LRIF1: variants seen among roughly 807,000 people sequenced by gnomAD.
LRIF1 encodes the protein ligand-dependent nuclear receptor-interacting factor 1.
In LRIF1, 32 loss-of-function variants were observed where a neutral mutation model predicts 52.7. The observed-to-expected ratio is 0.61, with a 90% CI of 0.46 to 0.82. The LOEUF is 0.82. Among genes scored for constraint, LRIF1 ranks in the 40% least tolerant of loss-of-function variants. LRIF1 has a pLI of 0.00. For synonymous variants in LRIF1, 323 were observed against 317.4 expected (o/e 1.02, Z -0.19); for missense variants, 887 against 892.0 (o/e 0.99, Z 0.07).
chr1:110,917,908 G>A, the LRIF1 span, among the ~76,000 whole-genome samples: 1 of 150,910 alleles, frequency 6.6e-6, no homozygotes, highest in South Asian at 2.1e-4. Context: ...ACATATAAAT[G>A]GTGTTTTATG....
the LRIF1 span, among the ~76,000 whole-genome samples, chr1:110,887,282 T>C: frequency 6.6e-6 from 1 of 152,118 alleles, no homozygotes; most frequent in Admixed American, 6.5e-5. Context: ...GCCAGGATCG[T>C]CTCGATCTCC....
the LRIF1 span, among the ~76,000 whole-genome samples, chr1:110,914,877 C>T: frequency 6.6e-6 from 1 of 152,156 alleles, no homozygotes; most frequent in African/African-American, 2.4e-5. Context: ...TTTCATGGTA[C>T]AACAATGTTT....
chr1:110,912,271 G>A, the LRIF1 span, among the ~76,000 whole-genome samples: 1 of 151,916 alleles, frequency 6.6e-6, no homozygotes, highest in African/African-American at 2.4e-5. Context: ...GAGTGCAGTG[G>A]CATGATCTTG....
rs1658535255 is a variant in LRIF1, at chr1:110,952,691, A to C, written c.193T>G (p.Ser65Ala). The change falls in exon 2 of 4, where the codon TCT becomes GCT. Residue 65 changes from serine (S) to alanine (A), a missense_variant. Physicochemically the swap from Ser to Ala is moderately conservative, Grantham distance 99. Transcript: ENST00000369763. ...CCTGTATTCCCTTTCAAAGCATCAG[A>C]CATGACTGAAGATTGAACTAGTGGT... ...LIPLVQSSVM[S>A]DALKGNTGKP... The C allele has an allele frequency of 1.2e-6, 2 of 1,614,028 alleles. No individual in the cohort carries two copies. The highest frequency in any genetic ancestry group is 2.7e-5 in the African/African-American group (2 of 74,934).
rs1443581165 is a variant in LRIF1, at chr1:110,950,018, C to G, written c.1702G>C (p.Ala568Pro). The change falls in exon 3 of 4, where the codon GCT becomes CCT. Residue 568 changes from alanine to proline, a missense_variant. Transcript: ENST00000369763. The part of the protein sequence containing the change: ...SNKALHLKSD[A>P]EFKKIFGLTK... Reference sequence around the variant, plus strand: ...AGGCCAAATATCTTTTTAAATTCAGCATCACTCTTCAGATGTAATGCCTTA... The same window carrying G: ...AGGCCAAATATCTTTTTAAATTCAGGATCACTCTTCAGATGTAATGCCTTA... 1.9e-6 allele frequency: 3 copies of G among 1,614,130 alleles called. No individual in the cohort carries two copies. In the Admixed American group the frequency reaches 5.0e-5, roughly 27 times the overall value.
At chr1:110,897,820 G>T in the LRIF1 span, 1 of 1,607,126 alleles carries the variant, frequency 6.2e-7, no homozygotes, top group Non-Finnish European at 8.5e-7. Context: ...GTTGCTATGC[G>T]AAAGCAAGAC....
the LRIF1 span, among the ~76,000 whole-genome samples, chr1:110,887,073 T>C: frequency 3.3e-5 from 5 of 151,436 alleles, no homozygotes; most frequent in Admixed American, 1.3e-4. Context: ...TTTTATTTTA[T>C]TTTATTTTGA....
chr1:110,945,898 T>C (rs1358970607), downstream of LRIF1, among the ~76,000 whole-genome samples: 1 of 152,208 alleles, frequency 6.6e-6, no homozygotes, highest in African/African-American at 2.4e-5. Context: ...TATGTTTATG[T>C]GGTGTGGGGA....
At chr1:110,929,930 C>T in the LRIF1 span, among the ~76,000 whole-genome samples, 32 of 152,136 alleles carry the variant, frequency 2.1e-4, no homozygotes, top group Admixed American at 5.9e-4. Context: ...ACCTGGGTGA[C>T]GAAATAATCT....
intron 1 of LRIF1, 75 bp downstream of exon 1, chr1:110,963,546 G>T (rs973101429): frequency 1.5e-6 from 2 of 1,320,744 alleles, no homozygotes; most frequent in Non-Finnish European, 2.1e-6. Context: ...ACAGCGTCCG[G>T]AAACGACGGC....
the LRIF1 span, chr1:110,894,353 C>T: frequency 1.2e-6 from 2 of 1,614,038 alleles, no homozygotes; most frequent in Admixed American, 1.7e-5. Context: ...TGATTATCCT[C>T]CTTGCTGAGG....
downstream of LRIF1, among the ~76,000 whole-genome samples, chr1:110,945,786 AG>A (rs1658190615): frequency 6.6e-6 from 1 of 152,216 alleles, no homozygotes; most frequent in Non-Finnish European, 1.5e-5. Flanking sequence ...CATTTTTCAA[AG>A]GAAGTGATGA....
chr1:110,936,928 G>A, the LRIF1 span: 1 of 152,062 alleles, frequency 6.6e-6, no homozygotes, highest in Non-Finnish European at 1.5e-5. Context: ...AAAAGAGCAT[G>A]AGTAGCTATA....
the LRIF1 span, among the ~76,000 whole-genome samples, chr1:110,924,792 T>C: frequency 1.3e-5 from 2 of 152,178 alleles, no homozygotes; most frequent in South Asian, 4.1e-4. Context: ...CTCATGAACA[T>C]AGATGCAAAA....
chr1:110,951,098 T>G (rs901864850), intron 2 of LRIF1, among the ~76,000 whole-genome samples, 190 bp downstream of exon 2: 1 of 152,192 alleles, frequency 6.6e-6, no homozygotes, highest in African/African-American at 2.4e-5. Context: ...TGTACAAGAT[T>G]GTACCCAACT....
chr1:110,882,699 G>T, the LRIF1 span, among the ~76,000 whole-genome samples: 1 of 151,854 alleles, frequency 6.6e-6, no homozygotes, highest in East Asian at 1.9e-4. Context: ...AGATGGACGT[G>T]GTATATCTCT....
At chr1:110,908,699 T>A in the LRIF1 span, among the ~76,000 whole-genome samples, 2 of 151,908 alleles carry the variant, frequency 1.3e-5, no homozygotes, top group Non-Finnish European at 2.9e-5. Context: ...TAAAAAAAAA[T>A]AATTTTAAGA....
the LRIF1 span, among the ~76,000 whole-genome samples, chr1:110,883,268 A>T: frequency 6.6e-6 from 1 of 152,112 alleles, no homozygotes; most frequent in South Asian, 2.1e-4. Flanking sequence ...CATCAAAAAT[A>T]GATGTTGAAT....
At chr1:110,891,561 A>T in the LRIF1 span, 1 of 948,568 alleles carries the variant, frequency 1.1e-6, no homozygotes, top group Non-Finnish European at 1.7e-6. Context: ...GTGTGGGGTA[A>T]AATGCATGCG....
Sources: gnomAD v4.1 joint callset for allele counts (sites outside exome capture counted in the v4.1 genomes callset) on GRCh38, gnomAD v4.1.1 for gene constraint, MANE v1.5 for transcripts, NCBI Gene and HGNC (gene_info 2026-07-23, HGNC 2026-07-21) for gene names.